SBNO2: variants seen among roughly 807,000 people sequenced by gnomAD.
SBNO2 encodes the protein protein strawberry notch homolog 2.
In SBNO2, 89 loss-of-function variants were observed where a neutral mutation model predicts 146.3. That is an observed-to-expected ratio of 0.61 (90% CI 0.51 to 0.73). The LOEUF is 0.73. SBNO2 is among the 30% of genes least tolerant of loss of function. The probability of loss-of-function intolerance (pLI) is 0.00; values close to 1 mark genes in which losing one functional copy is unlikely to be tolerated. For synonymous variants in SBNO2, 1,147 were observed against 892.6 expected (o/e 1.29, Z -5.08); for missense variants, 2,092 against 2,003.7 (o/e 1.04, Z -0.84).
At chr19:1,129,198 C>G (rs2080000942) in intron 4 of SBNO2, among the ~76,000 whole-genome samples, 1 of 152,090 alleles carries the variant, frequency 6.6e-6, no homozygotes, top group African/African-American at 2.4e-5. Context: ...ACTCAGGAGG[C>G]AGAGGCTGCA....
At chr19:1,156,361 G>C (rs1033291179) in intron 1 of SBNO2, among the ~76,000 whole-genome samples, 1 of 152,154 alleles carries the variant, frequency 6.6e-6, no homozygotes, top group Admixed American at 6.5e-5. Context: ...TGGACCGGGA[G>C]GGGATGGGGG....
chr19:1,138,716 A>C (rs1487582787), intron 4 of SBNO2, among the ~76,000 whole-genome samples: 1 of 150,014 alleles, frequency 6.7e-6, no homozygotes, highest in Non-Finnish European at 1.5e-5. Flanking sequence ...AGACGGACAC[A>C]GTGGGGCCCT....
At chr19:1,164,107 G>A (rs1369825470) in intron 1 of SBNO2, among the ~76,000 whole-genome samples, 5 of 152,358 alleles carry the variant, frequency 3.3e-5, no homozygotes, top group Admixed American at 3.3e-4. Context: ...GAGGGCTCAA[G>A]GGTGTTGGCC....
chr19:1,158,249 G>A lies in SBNO2; in HGVS notation c.-126-3847C>T, dbSNP rs373505497. 2.6e-5 allele frequency among the ~76,000 whole-genome samples: 4 copies of A among 152,156 alleles called. No homozygotes were observed. Among genetic ancestry groups the A allele is most frequent in the African/African-American group, 4.8e-5 (2 of 41,424 alleles). Reference sequence around the variant, plus strand: ...CGTGTGGAGCCCCTTCGCGCGCTCCGCCCTCAGACCCGAGCCGTCTGCAGA... The same window carrying A: ...CGTGTGGAGCCCCTTCGCGCGCTCCACCCTCAGACCCGAGCCGTCTGCAGA... On this transcript the variant is annotated intron_variant, in intron 1 of 31. Coordinates refer to ENST00000361757, the MANE Select transcript of SBNO2 (RefSeq NM_014963.3). The surrounding 1 kb of genome is among the most constrained non-coding windows in gnomAD (Gnocchi z 9.9).
intron 1 of SBNO2, among the ~76,000 whole-genome samples, chr19:1,169,604 C>T (rs562183128): frequency 2.0e-5 from 3 of 152,302 alleles, no homozygotes; most frequent in African/African-American, 4.8e-5. Flanking sequence ...TGGGGTGATG[C>T]CATCACTGTT....
rs1314929305 is a variant in SBNO2 at position 1,147,189 on chromosome 19, G to T, written c.279+120C>A. ...CCACCGTAAACCCTGCGGCCGAGGG[G>T]CCAAGCCGAGGTCACTGAGTCCCAG... On this transcript the variant is annotated intron_variant, in intron 4 of 31. Coordinates refer to ENST00000361757, the MANE Select transcript of SBNO2 (RefSeq NM_014963.3). 6 of 667,048 alleles carry T rather than the reference G, an allele frequency of 9.0e-6. No homozygotes were observed. In the Admixed American group the frequency reaches 2.1e-4, roughly 23 times the overall value. 41.3% of individuals were successfully genotyped at this position (667,048 alleles called of 1,614,324 possible). A position where few individuals can be genotyped will look rare whatever the true frequency, so the allele number is the denominator to read the frequency against.
At chr19:1,119,772 G>A (rs904584857) in intron 12 of SBNO2, 134 bp downstream of exon 12, 2 of 943,558 alleles carry the variant, frequency 2.1e-6, no homozygotes, top group Non-Finnish European at 3.3e-6. Flanking sequence ...GACAGGCGCA[G>A]AGGTGCCCCA....
chr19:1,139,234 G>C (rs1003931700), intron 4 of SBNO2, among the ~76,000 whole-genome samples: 15 of 152,214 alleles, frequency 9.9e-5, no homozygotes, highest in Admixed American at 9.8e-4. Flanking sequence ...AGAGACGCCA[G>C]AGGCAGGAGG....
Position 1,122,202 on chromosome 19 carries a change from G to A in SBNO2, c.1086C>T (p.Gly362=), listed in dbSNP as rs62131221. Residue 362 remains glycine, a synonymous_variant, in exon 11 of 32, where the codon GGC becomes GGT. Coordinates refer to ENST00000361757, the MANE Select transcript of SBNO2 (RefSeq NM_014963.3). The part of the protein sequence containing the change: ...YSALIGESQA[G]GQHRTRLRQI... Reference sequence around the variant, plus strand: ...GCCGGAGGCGAGTGCGGTGCTGGCCGCCGGCCTGGCTCTCCCCAATCAGGG... The same window carrying A: ...GCCGGAGGCGAGTGCGGTGCTGGCCACCGGCCTGGCTCTCCCCAATCAGGG... 249,217 of 1,552,988 alleles carry A rather than the reference G, an allele frequency of 0.16. 22,302 individuals carry two copies. The highest frequency in any genetic ancestry group is 0.18 in the Non-Finnish European group (206,169 of 1,149,358).
intron 1 of SBNO2, among the ~76,000 whole-genome samples, chr19:1,166,617 G>GCACACACACA (rs71932539): frequency 2.9e-4 from 39 of 136,394 alleles, no homozygotes; most frequent in African/African-American, 8.6e-4. Context: ...AACTGCACGC[G>GCACACACACA]CACACACACA....
At chr19:1,162,234 T>C (rs78830897) in intron 1 of SBNO2, among the ~76,000 whole-genome samples, 5 of 53,042 alleles carry the variant, frequency 9.4e-5, no homozygotes, top group South Asian at 7.5e-4. Flanking sequence ...CCAAGGCGGG[T>C]GGATCACGAG....
chr19:1,127,359 T>G (rs1296116535), intron 5 of SBNO2, among the ~76,000 whole-genome samples: 1 of 152,132 alleles, frequency 6.6e-6, no homozygotes, highest in Non-Finnish European at 1.5e-5. Context: ...CCCAACTCCA[T>G]GCCAGGAGCA....
rs2079828468 is a variant in SBNO2 at position 1,116,044 on chromosome 19, C to T, written c.1862G>A (p.Arg621Lys). Residue 621 changes from arginine (R) to lysine (K), a missense_variant, in exon 17 of 32, where the codon AGA (arginine) becomes AAA (lysine). Transcript: ENST00000361757. The part of the protein sequence containing the change: ...HFPSTKRKRD[R>K]GAGSKRKRRP... ...ACGTTTCCGCTTGCTGCCCGCTCCT[C>T]TGTCCCGCTTTCTCTTGGTGGACGG... 6.2e-7 allele frequency: 1 copy of T among 1,611,044 alleles called. No homozygotes were observed.
In SBNO2 at chr19:1,113,718, G is replaced by A. The variant is rs2145198191; in HGVS notation, c.2078-14C>T. ...GGCACAGGGGTCCTAGGGAGGAGGT[G>A]GAGGGTCAGGGCAGGACATGTTGGC... On this transcript the variant is annotated splice_polypyrimidine_tract_variant and intron_variant, in intron 18 of 31. Transcript: ENST00000361757. 2 of 1,516,744 alleles carry A rather than the reference G, an allele frequency of 1.3e-6. No homozygotes were observed. The highest frequency in any genetic ancestry group is 1.8e-6 in the Non-Finnish European group (2 of 1,133,872). The allele number at this position is 1,516,744 out of a possible 1,614,324, so 94.0% of individuals were successfully genotyped here. A position where few individuals can be genotyped will look rare whatever the true frequency, so the allele number is the denominator to read the frequency against.
Position 1,157,676 on chromosome 19 carries a change from A to G in SBNO2, c.-126-3274T>C, listed in dbSNP as rs1470161055. 1.3e-5 allele frequency among the ~76,000 whole-genome samples: 2 copies of G among 152,164 alleles called. No individual in the cohort carries two copies. Among genetic ancestry groups the G allele is most frequent in the Non-Finnish European group, 2.9e-5 (2 of 68,010 alleles). On this transcript the variant is annotated intron_variant, in intron 1 of 31. Transcript: ENST00000361757. The surrounding 1 kb of genome is among the most constrained non-coding windows in gnomAD (Gnocchi z 6.8). Reference sequence around the variant, plus strand: ...GGCTTCCTTCTGAAATCAGGTCTTCAAGGGAGTCGTTGTAAAAGAGAACGA... The same window carrying G: ...GGCTTCCTTCTGAAATCAGGTCTTCGAGGGAGTCGTTGTAAAAGAGAACGA...
chr19:1,153,102 G>A (rs192248978), intron 2 of SBNO2, among the ~76,000 whole-genome samples: 175 of 151,730 alleles, frequency 1.2e-3, no homozygotes, highest in African/African-American at 4.0e-3. Flanking sequence ...GCAGTGAGCC[G>A]AGATCGCACC....
At chr19:1,120,377 GT>G (rs1162495656) in intron 11 of SBNO2, among the ~76,000 whole-genome samples, 4 of 152,108 alleles carry the variant, frequency 2.6e-5, no homozygotes, top group Admixed American at 6.5e-5. Context: ...TTTTTTGTTT[GT>G]TTTTTTGAGA....
chr19:1,167,909 G>A (rs1568651808), intron 1 of SBNO2, among the ~76,000 whole-genome samples: 1 of 152,180 alleles, frequency 6.6e-6, no homozygotes, highest in Non-Finnish European at 1.5e-5. Context: ...CCTTTTAGGG[G>A]CCCAGAGGCT....
At chr19:1,165,755 C>CTCCAGACCCCAGAT (rs2080410410) in intron 1 of SBNO2, among the ~76,000 whole-genome samples, 3 of 41,854 alleles carry the variant, frequency 7.2e-5, no homozygotes, top group Non-Finnish European at 1.6e-4. Flanking sequence ...AGATCTCAGA[C>CTCCAGACCCCAGAT]CCCAGACCCC....
Sources: gnomAD v4.1 joint callset for allele counts (sites outside exome capture counted in the v4.1 genomes callset) on GRCh38, gnomAD v4.1.1 for gene constraint, Gnocchi (gnomAD v3.1) non-coding constraint, MANE v1.5 for transcripts, NCBI Gene and HGNC (gene_info 2026-07-23, HGNC 2026-07-21) for gene names.